Variants in IFI44 observed in about 807,000 individuals in gnomAD.
IFI44 encodes the protein interferon induced protein 44.
IFI44 carries 42 observed loss-of-function variants against 45.0 expected under a neutral mutation model. The observed-to-expected ratio is 0.93, with a 90% CI of 0.73 to 1.21. The LOEUF is 1.21. IFI44 is among the 50% of genes most tolerant of loss of function. IFI44 has a pLI of 0.00. For missense variants in IFI44, 623 were observed against 525.8 expected (o/e 1.18, Z -1.81); for synonymous variants, 221 against 188.6 (o/e 1.17, Z -1.41).
rs1253463609 is a variant in IFI44 at position 78,662,839 on chromosome 1, G to C, written c.1249G>C (p.Ala417Pro). Reference sequence around the variant, plus strand: ...TGCTCTGAGACGAATGCTATGGGCTGCAGATGACTTCTTAGAGGATTTGCC... The same window carrying C: ...TGCTCTGAGACGAATGCTATGGGCTCCAGATGACTTCTTAGAGGATTTGCC... ...LSALRRMLWA[A>P]DDFLEDLPFE... The change falls in exon 8 of 9, where the codon GCA becomes CCA. Residue 417 changes from alanine (A) to proline (P), a missense_variant. By Grantham distance (27) the Ala-to-Pro change is conservative (BLOSUM62 -1). Transcript: ENST00000370747. 1 of 1,613,578 alleles carries C rather than the reference G, an allele frequency of 6.2e-7. No homozygotes were observed. Among genetic ancestry groups the C allele is most frequent in the African/African-American group, 1.3e-5 (1 of 74,850 alleles).
At chr1:78,660,359 C>T (rs2296717) in intron 6 of IFI44, among the ~76,000 whole-genome samples, 195 bp from the exon 7 acceptor site, 14,993 of 152,068 alleles carry the variant, frequency 0.099, 817 homozygotes, top group Middle Eastern at 0.15. Context: ...GAAGGTGACT[C>T]CCCATGTCAG....
chr1:78,656,141 C>T (rs1453439096), intron 5 of IFI44, among the ~76,000 whole-genome samples: 5 of 152,094 alleles, frequency 3.3e-5, no homozygotes, highest in African/African-American at 1.2e-4. Context: ...TTCCCAGCCT[C>T]CAGAACTGTG....
At chr1:78,650,101 T>C (rs777466431) in intron 1 of IFI44, 85 bp from the exon 2 acceptor site, 3 of 880,782 alleles carry the variant, frequency 3.4e-6, no homozygotes, top group East Asian at 2.7e-5. Flanking sequence ...ATGTAGAGTA[T>C]ATAAGAGGCA....
chr1:78,656,798 GTTTTTCTAT>G (rs1312925785), intron 5 of IFI44, among the ~76,000 whole-genome samples: 2 of 148,768 alleles, frequency 1.3e-5, no homozygotes, highest in African/African-American at 5.0e-5. Flanking sequence ...AGCAAGTTTT[GTTTTTCTAT>G]TCATGCAAGA....
chr1:78,661,050 T>C (rs1224323286), intron 7 of IFI44, among the ~76,000 whole-genome samples: 1 of 152,176 alleles, frequency 6.6e-6, no homozygotes, highest in East Asian at 1.9e-4. Context: ...ACATGTTCAG[T>C]ACAGATGAAA....
At chr1:78,650,953 A>T (rs1025300735) in intron 2 of IFI44, among the ~76,000 whole-genome samples, 1 of 152,232 alleles carries the variant, frequency 6.6e-6, no homozygotes, top group African/African-American at 2.4e-5. Flanking sequence ...ACTTACAACG[A>T]AACCAGTTTA....
At chr1:78,654,114 A>G in intron 2 of IFI44, 129 bp from the exon 3 acceptor site, 1 of 679,364 alleles carries the variant, frequency 1.5e-6, no homozygotes, top group South Asian at 1.6e-5. Context: ...CCTTTTCACC[A>G]TACGGGACCA....
intron 5 of IFI44, among the ~76,000 whole-genome samples, chr1:78,657,238 C>T (rs1488376773): frequency 2.6e-5 from 4 of 151,988 alleles, no homozygotes; most frequent in African/African-American, 9.7e-5. Context: ...GTTTGAAAAA[C>T]ATTCAAATAG....
At chr1:78,663,672 T>G in intron 8 of IFI44, 93 bp from the exon 9 acceptor site, 1 of 1,544,600 alleles carries the variant, frequency 6.5e-7, no homozygotes, top group African/African-American at 1.4e-5. Context: ...ATATTAGCGT[T>G]GGTTGAGATT....
At position 78,650,278 on chromosome 1, in the gene IFI44, A is replaced by T. The variant is rs374737506; in HGVS notation, c.83A>T (p.Tyr28Phe). Residue 28 changes from tyrosine to phenylalanine, a missense_variant, in exon 2 of 9, where the codon TAT (tyrosine) becomes TTT (phenylalanine). By Grantham distance (22) the Tyr-to-Phe change is conservative. Coordinates refer to ENST00000370747, the MANE Select transcript of IFI44 (RefSeq NM_006417.5). ...GGAGGGAAGCGGCTTAGCCTTCTCTATAAGGGTAGTGTCCATGGATTCCGT... is the reference window on the plus strand; with the variant it reads ...GGAGGGAAGCGGCTTAGCCTTCTCTTTAAGGGTAGTGTCCATGGATTCCGT... Reference protein sequence around the residue: ...HFGGKRLSLLYKGSVHGFRNG... With the variant: ...HFGGKRLSLLFKGSVHGFRNG... 2 of 1,613,970 alleles carry T rather than the reference A, an allele frequency of 1.2e-6. No homozygotes were observed. Among genetic ancestry groups the T allele is most frequent in the African/African-American group, 1.3e-5 (1 of 74,934 alleles).
chr1:78,655,915 C>A (rs1338554994), intron 5 of IFI44, among the ~76,000 whole-genome samples: 1 of 152,084 alleles, frequency 6.6e-6, no homozygotes, highest in Non-Finnish European at 1.5e-5. Flanking sequence ...ATGTTGAAGT[C>A]CCTAGTCCTC....
chr1:78,651,090 C>T (rs1273816807), intron 2 of IFI44, among the ~76,000 whole-genome samples: 1 of 152,172 alleles, frequency 6.6e-6, no homozygotes, highest in Non-Finnish European at 1.5e-5. Flanking sequence ...CAGCAGTGGT[C>T]ACCAACCTTT....
At chr1:78,658,949 T>TTGCGC (rs1647299609) in intron 5 of IFI44, among the ~76,000 whole-genome samples, 1 of 152,036 alleles carries the variant, frequency 6.6e-6, no homozygotes, top group Non-Finnish European at 1.5e-5. Context: ...CCTTCCCTCC[T>TTGCGC]TGCGCTCTGC....
rs1245999347 is a variant in IFI44, at chr1:78,650,394, G to T, written c.199G>T (p.Glu67Ter). Residue 67 changes from glutamate (E) to a stop codon, truncating the protein, a stop_gained, in exon 2 of 9, where the codon GAG becomes TAG. Transcript: ENST00000370747. LOFTEE classifies it high-confidence loss of function. ...TCATATTATTGGAGCATATGCAGAA[G>T]AGAGTTACCAGGAAGGAAAGTATGC... ...EDHIIGAYAE[E>*]SYQEGKYASI... 2 of 1,614,070 alleles carry T rather than the reference G, an allele frequency of 1.2e-6. No individual in the cohort carries two copies. The highest frequency in any genetic ancestry group is 1.7e-6 in the Non-Finnish European group (2 of 1,179,950).
intron 5 of IFI44, among the ~76,000 whole-genome samples, chr1:78,657,178 A>G (rs1371994899): frequency 4.0e-5 from 6 of 151,876 alleles, no homozygotes; most frequent in Admixed American, 6.6e-5. Flanking sequence ...ATCAAATACA[A>G]CTCAATGTTC....
chr1:78,660,591 C>T lies in IFI44; in HGVS notation c.1050C>T (p.Ser350=). 6.2e-7 allele frequency: 1 copy of T among 1,613,634 alleles called. No individual in the cohort carries two copies. The highest frequency in any genetic ancestry group is 8.5e-7 in the Non-Finnish European group (1 of 1,179,722). The change falls in exon 7 of 9, where the codon AGC becomes AGT. Residue 350 remains serine, a synonymous_variant. Transcript: ENST00000370747. ...VHVALLTHVD[S]MDLITKGDLI... ...TGGCTTTGCTCACTCATGTGGATAG[C>T]ATGGATTTGATTACAAAAGGTGACC...
intron 7 of IFI44, 92 bp from the exon 8 acceptor site, chr1:78,662,612 T>C (rs1357266592): frequency 2.0e-6 from 2 of 984,016 alleles, no homozygotes; most frequent in Admixed American, 2.5e-5. Context: ...TATTGCAAGT[T>C]CCTACATCTT....
In IFI44 at chr1:78,650,537, C is replaced by G; in HGVS notation, c.342C>G (p.Phe114Leu). ...DVTKYNSPTN[F>L]QIDGRNRKVI... ...CAAAATATAACTCCCCAACTAATTTCCAGATAGATGGAAGAAATAGAAAAG... is the reference window on the plus strand; with the variant it reads ...CAAAATATAACTCCCCAACTAATTTGCAGATAGATGGAAGAAATAGAAAAG... Residue 114 changes from phenylalanine (F) to leucine (L), a missense_variant, in exon 2 of 9, where the codon TTC becomes TTG. Transcript: ENST00000370747. The G allele has an allele frequency of 6.2e-7, 1 of 1,613,302 alleles. No individual in the cohort carries two copies. The highest frequency in any genetic ancestry group is 1.1e-5 in the South Asian group (1 of 91,058).
chr1:78,651,399 C>G (rs1262002947), intron 2 of IFI44, among the ~76,000 whole-genome samples: 1 of 152,056 alleles, frequency 6.6e-6, no homozygotes, highest in Non-Finnish European at 1.5e-5. Flanking sequence ...ATATGGTTTG[C>G]GCTCCTATGA....
Sources: gnomAD v4.1 joint callset for allele counts (sites outside exome capture counted in the v4.1 genomes callset) on GRCh38, gnomAD v4.1.1 for gene constraint, MANE v1.5 for transcripts, NCBI Gene and HGNC (gene_info 2026-07-23, HGNC 2026-07-21) for gene names.